The following PTPRM variants were observed in gnomAD, a reference collection of about 807,000 sequenced individuals.
PTPRM encodes the protein protein tyrosine phosphatase receptor type M.
PTPRM carries 47 observed loss-of-function variants against 186.7 expected under a neutral mutation model. That is an observed-to-expected ratio of 0.25 (90% CI 0.20 to 0.32). The LOEUF is 0.32. Ranked by LOEUF, PTPRM falls within the 10% of genes least tolerant of loss-of-function variation. The pLI is 1.00. For synonymous variants in PTPRM, 668 were observed against 674.9 expected, an observed-to-expected ratio of 0.99 and a Z score of 0.16; for missense variants, 1,494 against 1,865.0, an observed-to-expected ratio of 0.80 and a Z score of 3.66.
intron 7 of PTPRM, among the ~76,000 whole-genome samples, chr18:8,035,227 C>G (rs1195578268): frequency 1.3e-5 from 2 of 152,140 alleles, no homozygotes; most frequent in African/African-American, 4.8e-5. Context: ...AATGAGAAAC[C>G]AGGCTGCATC....
At chr18:8,023,330 A>ATAAAG (rs1485666117) in intron 7 of PTPRM, among the ~76,000 whole-genome samples, 1 of 152,234 alleles carries the variant, frequency 6.6e-6, no homozygotes, top group Non-Finnish European at 1.5e-5. Context: ...AAGTACTTGT[A>ATAAAG]TAAAGTTCTT....
chr18:7,783,873 C>G (rs1372753528), intron 2 of PTPRM, among the ~76,000 whole-genome samples: 1 of 151,944 alleles, frequency 6.6e-6, no homozygotes, highest in Admixed American at 6.6e-5. Flanking sequence ...TCCCAAAGCA[C>G]TGGAATTACA....
intron 22 of PTPRM, among the ~76,000 whole-genome samples, chr18:8,339,156 G>C (rs2095458395): frequency 6.6e-6 from 1 of 150,654 alleles, no homozygotes; most frequent in Non-Finnish European, 1.5e-5. Context: ...TTCATTGCTT[G>C]TTAAAGGTTA....
At chr18:7,572,776 A>C (rs1295595089) in intron 1 of PTPRM, among the ~76,000 whole-genome samples, 2 of 152,220 alleles carry the variant, frequency 1.3e-5, no homozygotes, top group African/African-American at 4.8e-5. Flanking sequence ...ATCTTTATGA[A>C]TATAACATGC....
intron 2 of PTPRM, among the ~76,000 whole-genome samples, chr18:7,781,553 A>G (rs1317861687): frequency 6.6e-6 from 1 of 152,164 alleles, no homozygotes; most frequent in East Asian, 1.9e-4. Context: ...CCCATCACCC[A>G]GGTAGTGAGC....
At chr18:7,571,445 T>C (rs993402252) in intron 1 of PTPRM, among the ~76,000 whole-genome samples, 7 of 152,200 alleles carry the variant, frequency 4.6e-5, no homozygotes, top group African/African-American at 1.7e-4. Context: ...TGGCAAGTTG[T>C]TCCTCTTTGA....
intron 1 of PTPRM, among the ~76,000 whole-genome samples, chr18:7,580,785 C>T (rs980130052): frequency 1.3e-5 from 2 of 152,196 alleles, no homozygotes; most frequent in Non-Finnish European, 1.5e-5. Context: ...TTATGTCTCC[C>T]TCCCCATACA....
chr18:8,219,937 A>G lies in PTPRM; in HGVS notation c.2301-24121A>G, dbSNP rs190304678. ...AGTCAATCTTATGATCTCTATTTTA[A>G]CATTAATGCTGGTCAATTATTGTGC... On this transcript the variant is annotated intron_variant, in intron 14 of 32. Coordinates refer to ENST00000580170, the MANE Select transcript of PTPRM (RefSeq NM_001105244.2). 1.5e-3 allele frequency among the ~76,000 whole-genome samples: 224 copies of G among 152,258 alleles called. 3 individuals carry two copies. The highest frequency in any genetic ancestry group is 0.014 in the Admixed American group (209 of 15,292).
chr18:7,948,391 T>G (rs7230073), intron 5 of PTPRM, among the ~76,000 whole-genome samples: 8,923 of 152,234 alleles, frequency 0.059, 880 homozygotes, highest in African/African-American at 0.2. Context: ...ATCTCTAACC[T>G]GCTTTTGAAG....
chr18:8,141,397 T>A (rs974025597), intron 13 of PTPRM, among the ~76,000 whole-genome samples: 1 of 152,154 alleles, frequency 6.6e-6, no homozygotes, highest in Non-Finnish European at 1.5e-5. Context: ...TGACCTGCAA[T>A]GTGAAATGAG....
At chr18:8,205,206 T>C (rs750265036) in intron 14 of PTPRM, among the ~76,000 whole-genome samples, 9 of 152,172 alleles carry the variant, frequency 5.9e-5, no homozygotes, top group Non-Finnish European at 8.8e-5. Flanking sequence ...AACTATTCAC[T>C]CAGTATGCAA....
At position 7,926,568 on chromosome 18, in the gene PTPRM, C is replaced by G; in HGVS notation, c.548C>G (p.Thr183Ser). 6.2e-7 allele frequency: 1 copy of G among 1,609,152 alleles called. No individual in the cohort carries two copies. Among genetic ancestry groups the G allele is most frequent in the Non-Finnish European group, 8.5e-7 (1 of 1,176,856 alleles). Residue 183 changes from threonine (T) to serine (S), a missense_variant and splice_region_variant, in exon 5 of 33, where the codon ACC becomes AGC. Transcript: ENST00000580170. The stretch of plus-strand genomic sequence containing the variant: ...TCTTTCATTCTTTTTCTTTATGTAG[C>G]CAGGACTCCTCACTTCCTGCGGATT... Reference protein sequence around the residue: ...DEVKVLGHPCTRTPHFLRIQN... With the variant: ...DEVKVLGHPCSRTPHFLRIQN...
intron 1 of PTPRM, among the ~76,000 whole-genome samples, chr18:7,654,130 C>G (rs542776004): frequency 3.3e-5 from 5 of 152,018 alleles, no homozygotes; most frequent in Non-Finnish European, 5.9e-5. Flanking sequence ...TGAAAATTAT[C>G]TCTGTTCTTG....
chr18:7,643,777 C>T (rs1407068200), intron 1 of PTPRM, among the ~76,000 whole-genome samples: 3 of 152,100 alleles, frequency 2.0e-5, no homozygotes, highest in African/African-American at 7.2e-5. Context: ...TTTTTCTTAG[C>T]AGCCCGAAGA....
chr18:7,808,418 C>T (rs772523540), intron 2 of PTPRM, among the ~76,000 whole-genome samples: 2 of 152,168 alleles, frequency 1.3e-5, no homozygotes, highest in Admixed American at 6.5e-5. Context: ...TGAGATTCCA[C>T]CCAGTAATTT....
At chr18:8,028,448 T>C (rs1292886887) in intron 7 of PTPRM, among the ~76,000 whole-genome samples, 1 of 152,230 alleles carries the variant, frequency 6.6e-6, no homozygotes, top group East Asian at 1.9e-4. Context: ...CCGGAAAATT[T>C]ATTAAATAAA....
chr18:7,720,523 A>AT (rs1248134525), intron 1 of PTPRM, among the ~76,000 whole-genome samples: 7 of 152,272 alleles, frequency 4.6e-5, no homozygotes, highest in Non-Finnish European at 1.0e-4. Context: ...CATCTGAACT[A>AT]TTTTTTAAGG....
intron 7 of PTPRM, among the ~76,000 whole-genome samples, chr18:8,061,733 A>G (rs1190909505): frequency 0.013 from 1,297 of 100,070 alleles, no homozygotes; most frequent in Non-Finnish European, 0.021. Context: ...GTTTGGCTGG[A>G]TATGAAATTC....
At chr18:8,100,668 C>T (rs1021712118) in intron 11 of PTPRM, among the ~76,000 whole-genome samples, 2 of 152,160 alleles carry the variant, frequency 1.3e-5, no homozygotes, top group Non-Finnish European at 2.9e-5. Flanking sequence ...AAGTCTGTTC[C>T]TTCATTTGTA....
Sources: gnomAD v4.1 joint callset for allele counts (sites outside exome capture counted in the v4.1 genomes callset) on GRCh38, gnomAD v4.1.1 for gene constraint, MANE v1.5 for transcripts, NCBI Gene and HGNC (gene_info 2026-07-23, HGNC 2026-07-21) for gene names.